The following ROCK1 variants were observed in gnomAD, a reference collection of about 807,000 sequenced individuals.
ROCK1 encodes Rho associated coiled-coil containing protein kinase 1, also known as rho-associated protein kinase 1.
In ROCK1, 36 loss-of-function variants were observed where a neutral mutation model predicts 196.8. The observed-to-expected ratio is 0.18, with a 90% CI of 0.14 to 0.24. The LOEUF (loss-of-function observed/expected upper bound fraction) is 0.24, where lower values mean the gene tolerates loss of function less well. Among genes scored for constraint, ROCK1 ranks in the 10% least tolerant of loss-of-function variants. ROCK1 has a pLI of 1.00. For missense variants in ROCK1, 920 were observed against 1,562.0 expected (o/e 0.59, Z 6.93); for synonymous variants, 443 against 515.9 (o/e 0.86, Z 1.91).
chr18:21,111,231 G>A lies in ROCK1; in HGVS notation c.-321C>T. The A allele has an allele frequency of 2.0e-6, 1 of 497,936 alleles. No individual in the cohort carries two copies. Among genetic ancestry groups the A allele is most frequent in the Non-Finnish European group, 3.5e-6 (1 of 284,416 alleles). The allele number at this position is 497,936 out of a possible 1,614,324, so 30.8% of individuals were successfully genotyped here. A position where few individuals can be genotyped will look rare whatever the true frequency, so the allele number is the denominator to read the frequency against. ...TGCTTCAGTCTAGCGGGCCCCGGCC[G>A]CCGTCGCCATGGAGGGGTCCCCGTC... On this transcript the variant is annotated 5_prime_UTR_variant, in exon 1 of 33. Coordinates refer to ENST00000399799, the MANE Select transcript of ROCK1 (RefSeq NM_005406.3). This position sits in a 1 kb window ranked among gnomAD's most constrained non-coding sequence, Gnocchi z 4.2.
chr18:21,030,946 C>G (rs1423735254), intron 9 of ROCK1, among the ~76,000 whole-genome samples: 1 of 152,074 alleles, frequency 6.6e-6, no homozygotes, highest in Non-Finnish European at 1.5e-5. Flanking sequence ...AAACTAATAA[C>G]AAGCAAGGAG....
At position 20,968,931 on chromosome 18, in the gene ROCK1, C is replaced by A. The variant is rs1029142075; in HGVS notation, c.2915-71G>T. ...TTTCTGCATTTCAAACTAACAATGT[C>A]TTTAATTATTCAAATAAGTATACAT... On this transcript the variant is annotated intron_variant, in intron 24 of 32. Transcript: ENST00000399799. 4.8e-5 allele frequency: 51 copies of A among 1,065,600 alleles called. No homozygotes were observed. The East Asian group carries it at 8.7e-4, about 18-fold the overall frequency. The allele number at this position is 1,065,600 out of a possible 1,614,324, so 66.0% of individuals were successfully genotyped here.
At chr18:21,095,015 AC>A (rs1301227294) in intron 1 of ROCK1, among the ~76,000 whole-genome samples, 1 of 145,066 alleles carries the variant, frequency 6.9e-6, no homozygotes, top group African/African-American at 2.6e-5. Context: ...GCGCCATTGC[AC>A]TCCAGCCTGG....
intron 9 of ROCK1, among the ~76,000 whole-genome samples, chr18:21,031,215 T>C (rs2036003373): frequency 6.6e-6 from 1 of 152,172 alleles, no homozygotes; most frequent in Non-Finnish European, 1.5e-5. Flanking sequence ...CTTAGAAGGA[T>C]ACAGCTGCTT....
At chr18:21,010,690 T>TA (rs1181762337) in intron 13 of ROCK1, among the ~76,000 whole-genome samples, 3 of 152,250 alleles carry the variant, frequency 2.0e-5, no homozygotes, top group African/African-American at 7.2e-5. Flanking sequence ...ATTGTGCTGT[T>TA]AAGCAGAGGG....
At chr18:20,976,737 G>T (rs1466697126) in intron 22 of ROCK1, among the ~76,000 whole-genome samples, 1 of 152,076 alleles carries the variant, frequency 6.6e-6, no homozygotes, top group African/African-American at 2.4e-5. Context: ...TCTTTTATCT[G>T]CATTCTAAAG....
chr18:20,988,819 ATTTTT>A (rs970475400), intron 18 of ROCK1, among the ~76,000 whole-genome samples: 1 of 151,178 alleles, frequency 6.6e-6, no homozygotes, highest in Admixed American at 6.6e-5. Context: ...ATGTATTATT[ATTTTT>A]TTTTGTCTAT....
intron 30 of ROCK1, 47 bp from the exon 31 acceptor site, chr18:20,955,091 A>C (rs2035229221): frequency 1.3e-6 from 2 of 1,531,762 alleles, no homozygotes; most frequent in Non-Finnish European, 8.8e-7. Flanking sequence ...AATCTTAAGC[A>C]TTGGTATATT....
At chr18:20,954,047 G>A (rs1423970588) in intron 31 of ROCK1, among the ~76,000 whole-genome samples, 1 of 150,268 alleles carries the variant, frequency 6.7e-6, no homozygotes, top group Non-Finnish European at 1.5e-5. Flanking sequence ...CTTCTTATCT[G>A]AAAATAGCTA....
chr18:20,957,225 G>T (rs145338541), intron 29 of ROCK1, among the ~76,000 whole-genome samples: 1,803 of 152,252 alleles, frequency 0.012, 10 homozygotes, highest in Middle Eastern at 0.051. Flanking sequence ...TCTTATTTAC[G>T]ATAGCCCCAA....
intron 23 of ROCK1, 97 bp downstream of exon 23, chr18:20,970,247 GAAGT>G (rs1234015349): frequency 1.3e-6 from 1 of 794,920 alleles, no homozygotes; most frequent in Non-Finnish European, 2.0e-6. Context: ...TATTAACATA[GAAGT>G]AAATACACTT....
In ROCK1 at chr18:20,967,761, G is replaced by A; in HGVS notation, c.3183C>T (p.Asp1061=). ...CACACAGAAACCTTACCGCTTGCAT[G>A]TCATTCAGTTCCTTCTGATGTTTCA... ...MVVKHQKELN[D]MQAQLVEECA... Residue 1061 remains aspartate, a synonymous_variant, in exon 26 of 33, where the codon GAC becomes GAT. Transcript: ENST00000399799. The A allele has an allele frequency of 6.3e-7, 1 of 1,590,460 alleles. No individual in the cohort carries two copies. Among genetic ancestry groups the A allele is most frequent in the Non-Finnish European group, 8.5e-7 (1 of 1,172,394 alleles).
intron 1 of ROCK1, among the ~76,000 whole-genome samples, chr18:21,083,330 C>A (rs2036497819): frequency 6.6e-6 from 1 of 151,996 alleles, no homozygotes; most frequent in Non-Finnish European, 1.5e-5. Context: ...AAACCTCATC[C>A]TAAAATTCAA....
intron 1 of ROCK1, among the ~76,000 whole-genome samples, chr18:21,078,369 CACACAGAG>C (rs1055805300): frequency 4.0e-4 from 60 of 148,328 alleles, no homozygotes; most frequent in Non-Finnish European, 7.4e-4. Flanking sequence ...CACACACACA[CACACAGAG>C]AGAGAGAGAG....
Position 21,045,899 on chromosome 18 carries a change from G to GTTTCTTTT in ROCK1, c.415-433_415-432insAAAAGAAA, listed in dbSNP as rs746861081. On this transcript the variant is annotated intron_variant, in intron 4 of 32. Coordinates refer to ENST00000399799, the MANE Select transcript of ROCK1 (RefSeq NM_005406.3). ...ATAAATTTGGCTTACAGTTTCAGCT[G>GTTTCTTTT]TTTTTTTTTTTTTTTTTTTTTTTTT... 1.6e-4 allele frequency among the ~76,000 whole-genome samples: 10 copies of GTTTCTTTT among 62,492 alleles called. 2 individuals are homozygous for GTTTCTTTT. Among genetic ancestry groups the GTTTCTTTT allele is most frequent in the African/African-American group, 5.6e-4 (8 of 14,372 alleles). The allele number at this position is 62,492 out of a possible 152,430, so 41.0% of individuals were successfully genotyped here.
intron 1 of ROCK1, among the ~76,000 whole-genome samples, chr18:21,072,743 A>G (rs893761328): frequency 1.3e-5 from 2 of 151,952 alleles, no homozygotes; most frequent in Non-Finnish European, 2.9e-5. Flanking sequence ...TACTTTCACA[A>G]CATGTCCATC....
At chr18:21,085,468 G>A (rs1176742457) in intron 1 of ROCK1, among the ~76,000 whole-genome samples, 1 of 151,872 alleles carries the variant, frequency 6.6e-6, no homozygotes, top group Non-Finnish European at 1.5e-5. Context: ...ATGGTTGGTA[G>A]AAAAATTAAT....
chr18:21,048,022 C>T (rs2036175668), intron 4 of ROCK1, among the ~76,000 whole-genome samples: 1 of 152,124 alleles, frequency 6.6e-6, no homozygotes, highest in South Asian at 2.1e-4. Flanking sequence ...TGAAGCTGAA[C>T]TCATAAAAGC....
chr18:21,042,328 A>G, intron 7 of ROCK1, 93 bp from the exon 8 acceptor site: 3 of 1,174,392 alleles, frequency 2.6e-6, no homozygotes, highest in Non-Finnish European at 3.5e-6. Context: ...GTTTAAAAAG[A>G]TTATTAGGTA....
Sources: allele counts gnomAD v4.1 joint callset (sites outside exome capture counted in the v4.1 genomes callset), GRCh38; gene constraint gnomAD v4.1.1; non-coding constraint Gnocchi (gnomAD v3.1); transcripts MANE v1.5; gene names NCBI Gene and HGNC (gene_info 2026-07-23, HGNC 2026-07-21).